Variants in MIR2052HG observed in about 807,000 individuals in gnomAD.
MIR2052HG encodes the protein MIR2052 host gene.
intron 2 of MIR2052HG, among the ~76,000 whole-genome samples, chr8:74,660,557 T>A (rs1181235535): frequency 6.6e-6 from 1 of 152,200 alleles, no homozygotes. Context: ...GCCAGGATAT[T>A]CCTTGGAAAA....
chr8:74,742,780 A>T (rs901956193), intron 4 of MIR2052HG, among the ~76,000 whole-genome samples: 4 of 152,156 alleles, frequency 2.6e-5, no homozygotes, highest in African/African-American at 9.7e-5. Flanking sequence ...TTTCAATTTT[A>T]TAGACATCTT....
At chr8:74,699,556 T>C (rs533965571) in intron 2 of MIR2052HG, among the ~76,000 whole-genome samples, 1 of 152,094 alleles carries the variant, frequency 6.6e-6, no homozygotes, top group African/African-American at 2.4e-5. Flanking sequence ...CAACATCGTA[T>C]GTCCTCACTC....
chr8:74,648,248 G>A (rs188228568), intron 2 of MIR2052HG, among the ~76,000 whole-genome samples: 3 of 152,230 alleles, frequency 2.0e-5, no homozygotes, highest in Admixed American at 1.3e-4. Context: ...ATGAATGGCT[G>A]CTCTGGGAGT....
chr8:74,733,158 G>T (rs916363402), intron 4 of MIR2052HG, among the ~76,000 whole-genome samples: 1 of 151,832 alleles, frequency 6.6e-6, no homozygotes, highest in Non-Finnish European at 1.5e-5. Flanking sequence ...GTATACATGT[G>T]CCATGCTGGT....
intron 2 of MIR2052HG, among the ~76,000 whole-genome samples, chr8:74,613,727 T>A (rs1409525973): frequency 6.6e-6 from 1 of 152,194 alleles, no homozygotes; most frequent in Non-Finnish European, 1.5e-5. Context: ...CCTCACGTGA[T>A]CCACCCGACT....
intron 2 of MIR2052HG, among the ~76,000 whole-genome samples, chr8:74,666,662 G>A (rs1808927404): frequency 6.6e-6 from 1 of 152,108 alleles, no homozygotes; most frequent in African/African-American, 2.4e-5. Flanking sequence ...CATTCTGTCT[G>A]GCTCAAAGTT....
chr8:74,619,007 A>G (rs1586891814), intron 2 of MIR2052HG, among the ~76,000 whole-genome samples: 1 of 152,214 alleles, frequency 6.6e-6, no homozygotes, highest in African/African-American at 2.4e-5. Context: ...ACAATGAACT[A>G]TTTGAGAAAA....
At chr8:74,687,757 A>G (rs1809197938) in intron 2 of MIR2052HG, among the ~76,000 whole-genome samples, 2 of 152,196 alleles carry the variant, frequency 1.3e-5, no homozygotes, top group Non-Finnish European at 1.5e-5. Context: ...GATCTGCTGT[A>G]TAACATAATA....
chr8:74,701,526 AGTTG>A lies in MIR2052HG; in HGVS notation n.217-851_217-848del, dbSNP rs1307590069. On this transcript the variant is annotated intron_variant and non_coding_transcript_variant, in intron 2 of 6. Transcript: ENST00000523442. Reference sequence around the variant, plus strand: ...TCCAGTGGCTCCATAGAGGGTGTTTAGTTGGGGTGGCACCAATGGTGGCATCCTA... The same window carrying A: ...TCCAGTGGCTCCATAGAGGGTGTTTAGGGTGGCACCAATGGTGGCATCCTA... Among the ~76,000 whole-genome samples, 4 of 151,986 alleles carry A rather than the reference AGTTG, an allele frequency of 2.6e-5. No homozygotes were observed. In the East Asian group the frequency reaches 7.7e-4, roughly 29 times the overall value.
At chr8:74,701,991 T>C (rs1312243225) in intron 2 of MIR2052HG, among the ~76,000 whole-genome samples, 1 of 152,078 alleles carries the variant, frequency 6.6e-6, no homozygotes, top group Non-Finnish European at 1.5e-5. Context: ...TGCATTGATA[T>C]AATACTAGAG....
At chr8:74,660,066 A>C (rs1300894985) in intron 2 of MIR2052HG, among the ~76,000 whole-genome samples, 2 of 152,210 alleles carry the variant, frequency 1.3e-5, no homozygotes, top group African/African-American at 4.8e-5. Flanking sequence ...TGGTTCTAAC[A>C]TGAGCATCTG....
intron 2 of MIR2052HG, among the ~76,000 whole-genome samples, chr8:74,657,799 C>T (rs558429821): frequency 3.3e-5 from 5 of 152,170 alleles, no homozygotes; most frequent in East Asian, 1.9e-4. Flanking sequence ...TACTTCCCAC[C>T]GGGACTCTCC....
At chr8:74,732,533 C>T (rs1586926293) in intron 4 of MIR2052HG, among the ~76,000 whole-genome samples, 1 of 152,138 alleles carries the variant, frequency 6.6e-6, no homozygotes, top group East Asian at 1.9e-4. Flanking sequence ...CCTATCCTTA[C>T]AGAGCTTACC....
chr8:74,708,648 A>T (rs1344804666), intron 4 of MIR2052HG, among the ~76,000 whole-genome samples: 1 of 152,094 alleles, frequency 6.6e-6, no homozygotes, highest in East Asian at 1.9e-4. Context: ...TGAACATTTA[A>T]ATTTATTATA....
At chr8:74,658,753 A>AT (rs939507123) in intron 2 of MIR2052HG, among the ~76,000 whole-genome samples, 5 of 151,938 alleles carry the variant, frequency 3.3e-5, no homozygotes, top group Admixed American at 2.6e-4. Flanking sequence ...CTATATCTTG[A>AT]TTTTTTTTCA....
intron 2 of MIR2052HG, among the ~76,000 whole-genome samples, chr8:74,649,177 T>C (rs1018954664): frequency 1.3e-5 from 2 of 152,142 alleles, no homozygotes; most frequent in African/African-American, 2.4e-5. Flanking sequence ...ATACGGACTT[T>C]TAAGAAAGAG....
intron 2 of MIR2052HG, among the ~76,000 whole-genome samples, chr8:74,651,537 A>G (rs949842794): frequency 1.3e-5 from 2 of 152,196 alleles, no homozygotes; most frequent in Non-Finnish European, 2.9e-5. Flanking sequence ...GCAGTTCTAC[A>G]AGGAGTCTAC....
At chr8:74,713,349 G>T (rs538953899) in intron 4 of MIR2052HG, among the ~76,000 whole-genome samples, 8 of 152,202 alleles carry the variant, frequency 5.3e-5, no homozygotes, top group Non-Finnish European at 1.2e-4. Flanking sequence ...TTCCTACAGA[G>T]CAGCCAGAAT....
chr8:74,636,429 T>C (rs1192874981), intron 2 of MIR2052HG, among the ~76,000 whole-genome samples: 3 of 152,134 alleles, frequency 2.0e-5, no homozygotes, highest in Non-Finnish European at 4.4e-5. Flanking sequence ...TATAAATTTA[T>C]GCAGGAAGGA....
Sources: gnomAD v4.1 joint callset for allele counts (sites outside exome capture counted in the v4.1 genomes callset) on GRCh38, gnomAD v4.1.1 for gene constraint, MANE v1.5 for transcripts, NCBI Gene and HGNC (gene_info 2026-07-23, HGNC 2026-07-21) for gene names.